Variants in RNF128 observed in about 807,000 individuals in gnomAD.
RNF128 encodes ring finger protein 128, also known as E3 ubiquitin-protein ligase RNF128.
RNF128 carries 13 observed loss-of-function variants against 26.2 expected under a neutral mutation model. The ratio of observed to expected loss-of-function variants is 0.50; its 90% CI spans 0.32 to 0.79. The LOEUF is 0.79. RNF128 is among the 30% of genes least tolerant of loss of function. The probability of loss-of-function intolerance (pLI) is 0.03; values close to 1 mark genes in which losing one functional copy is unlikely to be tolerated. For synonymous variants in RNF128, 149 were observed against 142.5 expected, an observed-to-expected ratio of 1.05 and a Z score of -0.32; for missense variants, 315 against 349.7, an observed-to-expected ratio of 0.90 and a Z score of 0.79.
At position 106,764,303 on chromosome X, in the gene RNF128, C is replaced by A. The variant is rs113254469; in HGVS notation, c.485-8610C>A. On this transcript the variant is annotated intron_variant, in intron 1 of 6. Coordinates refer to ENST00000255499, the MANE Select transcript of RNF128 (RefSeq NM_194463.2). Reference sequence around the variant, plus strand: ...CAACCTTCATCTGACCACAATGGCCCATGTGTTCCTGAGTATCCACCCCTG... The same window carrying A: ...CAACCTTCATCTGACCACAATGGCCAATGTGTTCCTGAGTATCCACCCCTG... 4.6e-3 allele frequency among the ~76,000 whole-genome samples: 509 copies of A among 110,814 alleles called. 3 individuals carry two copies. The highest frequency in any genetic ancestry group is 0.028 in the Middle Eastern group (6 of 217).
At chrX:106,713,139 G>C (rs1314991031) in intron 1 of RNF128, among the ~76,000 whole-genome samples, 1 of 107,529 alleles carries the variant, frequency 9.3e-6, no homozygotes, top group Non-Finnish European at 1.9e-5. Context: ...CCCCCGCCTT[G>C]GGCACCCAAA....
chrX:106,704,328 G>A, intron 1 of RNF128, among the ~76,000 whole-genome samples: 1 of 108,641 alleles, frequency 9.2e-6, no homozygotes, highest in Non-Finnish European at 1.9e-5. Flanking sequence ...AGCTACTCGG[G>A]AGGCTGAGGT....
At chrX:106,701,635 T>C (rs1156460150) in intron 1 of RNF128, among the ~76,000 whole-genome samples, 1 of 111,615 alleles carries the variant, frequency 9.0e-6, no homozygotes, top group Admixed American at 9.5e-5. Flanking sequence ...CCAAATACAA[T>C]TTTATTAGTG....
At chrX:106,704,218 G>A (rs182034369) in intron 1 of RNF128, among the ~76,000 whole-genome samples, 12,143 of 109,456 alleles carry the variant, frequency 0.11, 1,673 homozygotes, top group African/African-American at 0.39. Flanking sequence ...GGCAGATCAC[G>A]AGGTCAGGAG....
At chrX:106,766,595 T>G (rs757866929) in intron 1 of RNF128, among the ~76,000 whole-genome samples, 4 of 112,467 alleles carry the variant, frequency 3.6e-5, no homozygotes, top group African/African-American at 9.7e-5. Context: ...TTCAAGTTCA[T>G]TGTAGATTCT....
chrX:106,746,052 G>A (rs185813735), intron 1 of RNF128, among the ~76,000 whole-genome samples: 6 of 111,244 alleles, frequency 5.4e-5, no homozygotes, highest in East Asian at 5.7e-4. Context: ...TGTTTGTTAC[G>A]TTGGAACTCT....
At chrX:106,775,770 T>G (rs1325028603) in intron 2 of RNF128, among the ~76,000 whole-genome samples, 2 of 112,154 alleles carry the variant, frequency 1.8e-5, no homozygotes, top group African/African-American at 6.5e-5. Flanking sequence ...ATTATCTCCA[T>G]TTTACTGGTA....
intron 5 of RNF128, 93 bp downstream of exon 5, chrX:106,790,375 C>T (rs1197863482): frequency 3.6e-6 from 2 of 548,325 alleles, no homozygotes; most frequent in Non-Finnish European, 6.1e-6. Context: ...CTATGTAATA[C>T]ACCATACTTA....
At chrX:106,770,123 C>T (rs920415789) in intron 1 of RNF128, among the ~76,000 whole-genome samples, 20 of 112,181 alleles carry the variant, frequency 1.8e-4, no homozygotes, top group African/African-American at 6.5e-4. Context: ...CGCTGTTAGT[C>T]TGATGGGCTT....
intron 1 of RNF128, among the ~76,000 whole-genome samples, chrX:106,767,700 CTT>C (rs1181878325): frequency 6.3e-5 from 7 of 111,447 alleles, no homozygotes; most frequent in Admixed American, 2.9e-4. Flanking sequence ...ATTGAATACT[CTT>C]TATTTCCTTC....
At chrX:106,726,464 A>C (rs1342950788), upstream of RNF128, among the ~76,000 whole-genome samples, 2 of 112,014 alleles carry the variant, frequency 1.8e-5, no homozygotes, top group African/African-American at 6.5e-5. Context: ...AACCGACTCG[A>C]ATCCTGCCAG....
chrX:106,714,444 G>A (rs5962360), intron 1 of RNF128, among the ~76,000 whole-genome samples: 18,599 of 110,767 alleles, frequency 0.17, 3,864 homozygotes, highest in African/African-American at 0.58. Context: ...ATAGATCTGT[G>A]TACCCTTCAT....
chrX:106,719,747 T>G (rs755368112), intron 1 of RNF128, among the ~76,000 whole-genome samples: 5 of 109,856 alleles, frequency 4.6e-5, no homozygotes, highest in Non-Finnish European at 7.6e-5. Context: ...GTATTACTAT[T>G]TTAGTTGAGA....
chrX:106,764,323 C>A (rs1383053643), intron 1 of RNF128, among the ~76,000 whole-genome samples: 1 of 110,682 alleles, frequency 9.0e-6, no homozygotes, highest in African/African-American at 3.3e-5. Context: ...TGAGTATCCA[C>A]CCCTGCCACC....
At chrX:106,782,662 G>A (rs1930586034) in intron 2 of RNF128, among the ~76,000 whole-genome samples, 1 of 111,799 alleles carries the variant, frequency 8.9e-6, no homozygotes, top group African/African-American at 3.3e-5. Context: ...GGGGGTTGTT[G>A]TGAGGATTAA....
chrX:106,704,462 G>T (rs1929015026), intron 1 of RNF128, among the ~76,000 whole-genome samples: 1 of 108,335 alleles, frequency 9.2e-6, no homozygotes, highest in South Asian at 4.1e-4. Context: ...AAAGAGCTGG[G>T]GAGTAGTCTG....
At chrX:106,750,420 G>T (rs758722160) in intron 1 of RNF128, among the ~76,000 whole-genome samples, 2 of 112,087 alleles carry the variant, frequency 1.8e-5, no homozygotes, top group Non-Finnish European at 3.8e-5. Flanking sequence ...ACTAGCTTGT[G>T]TTACCCTAGG....
At chrX:106,743,958 A>G (rs1215518403) in intron 1 of RNF128, among the ~76,000 whole-genome samples, 1 of 111,718 alleles carries the variant, frequency 9.0e-6, no homozygotes, top group African/African-American at 3.3e-5. Flanking sequence ...TTGTAGGGAC[A>G]TGGATGAAGC....
intron 2 of RNF128, among the ~76,000 whole-genome samples, chrX:106,774,814 C>G (rs1159607026): frequency 9.0e-6 from 1 of 111,657 alleles, no homozygotes; most frequent in Non-Finnish European, 1.9e-5. Context: ...ATGTACTGAG[C>G]AGTTTCTCTA....
Sources: allele counts gnomAD v4.1 joint callset (sites outside exome capture counted in the v4.1 genomes callset), GRCh38; gene constraint gnomAD v4.1.1; transcripts MANE v1.5; gene names NCBI Gene and HGNC (gene_info 2026-07-23, HGNC 2026-07-21).